The following TES variants were observed in gnomAD, a reference collection of about 807,000 sequenced individuals.
The protein encoded by TES is testin LIM domain protein, also known as testin.
TES carries 41 observed loss-of-function variants against 48.2 expected under a neutral mutation model. The ratio of observed to expected loss-of-function variants is 0.85; its 90% CI spans 0.66 to 1.10. The LOEUF (loss-of-function observed/expected upper bound fraction) is 1.10, where lower values mean the gene tolerates loss of function less well. Among genes scored for constraint, TES ranks in the 50% least tolerant of loss-of-function variants. TES has a pLI of 0.00. For synonymous variants in TES, 162 were observed against 174.9 expected, an observed-to-expected ratio of 0.93 and a Z score of 0.58; for missense variants, 463 against 515.1, an observed-to-expected ratio of 0.90 and a Z score of 0.98.
chr7:116,250,172 C>T lies in TES; in HGVS notation c.378C>T (p.Tyr126=). The change falls in exon 4 of 7, where the codon TAC becomes TAT. Residue 126 remains tyrosine (Y), a synonymous_variant. Transcript: ENST00000358204. The part of the protein sequence containing the change: ...PVQNQALARQ[Y]MQMLPKEKQP... ...TCCTTGTGGTTCAGGCCAGGCAGTA[C>T]ATGCAGATGCTACCCAAGGAAAAGC... The T allele has an allele frequency of 6.5e-7, 1 of 1,541,208 alleles. No homozygotes were observed.
At chr7:116,251,696 G>C (rs79488757) in intron 4 of TES, 64 bp from the exon 5 acceptor site, 1 of 960,824 alleles carries the variant, frequency 1.0e-6, no homozygotes, top group Non-Finnish European at 1.4e-6. Flanking sequence ...AAAAAAAAAA[G>C]AAAGAAAGAA....
At chr7:116,254,754 A>ATGTGTGTGTG (rs562076686) in intron 6 of TES, among the ~76,000 whole-genome samples, 3 of 119,246 alleles carry the variant, frequency 2.5e-5, no homozygotes, top group South Asian at 2.7e-4. Flanking sequence ...AAAAATATAT[A>ATGTGTGTGTG]TATATGTGTG....
At chr7:116,228,408 C>T (rs1210583709) in intron 1 of TES, among the ~76,000 whole-genome samples, 2 of 152,128 alleles carry the variant, frequency 1.3e-5, no homozygotes, top group African/African-American at 4.8e-5. Flanking sequence ...ATTATTCTGT[C>T]ATATCCTTTT....
intron 1 of TES, among the ~76,000 whole-genome samples, chr7:116,229,002 ATATAT>A (rs1370577015): frequency 2.3e-4 from 1 of 4,334 alleles, no homozygotes; most frequent in Non-Finnish European, 8.8e-4. Context: ...CTATAACTAT[ATATAT>A]ATATATATAT....
At chr7:116,254,833 A>C (rs1800073799) in intron 6 of TES, among the ~76,000 whole-genome samples, 1 of 151,182 alleles carries the variant, frequency 6.6e-6, no homozygotes, top group African/African-American at 2.4e-5. Flanking sequence ...TCTCAGTGGG[A>C]TATACCATTG....
At chr7:116,254,380 G>T (rs143376852) in intron 6 of TES, among the ~76,000 whole-genome samples, 1 of 151,996 alleles carries the variant, frequency 6.6e-6, no homozygotes, top group Non-Finnish European at 1.5e-5. Context: ...CAATGGCAGG[G>T]TATAACCACA....
intron 4 of TES, 31 bp downstream of exon 4, chr7:116,250,527 TTTG>T: frequency 7.1e-7 from 1 of 1,418,318 alleles, no homozygotes; most frequent in Non-Finnish European, 9.2e-7. Flanking sequence ...GTTAGCCTGA[TTTG>T]TATACTTTAC....
chr7:116,211,618 T>G (rs1799440288), intron 1 of TES: 1 of 152,268 alleles, frequency 6.6e-6, no homozygotes, highest in South Asian at 2.1e-4. Flanking sequence ...GATTTGCTCA[T>G]GTTTTACTTT....
At chr7:116,227,111 TATTTATTTATTTATTTA>T (rs1249936559) in intron 1 of TES, among the ~76,000 whole-genome samples, 62 of 149,606 alleles carry the variant, frequency 4.1e-4, no homozygotes, top group Non-Finnish European at 8.8e-4. Context: ...TTTATTTATT[TATTTATTTATTTATTTA>T]TTTATTGGAG....
chr7:116,212,358 A>C (rs1416539149), intron 1 of TES, among the ~76,000 whole-genome samples: 3 of 152,200 alleles, frequency 2.0e-5, no homozygotes, highest in Non-Finnish European at 2.9e-5. Context: ...AAATCCATAG[A>C]ATGTAGAACA....
intron 1 of TES, among the ~76,000 whole-genome samples, chr7:116,225,484 A>C (rs1799611594): frequency 6.6e-6 from 1 of 152,200 alleles, no homozygotes; most frequent in African/African-American, 2.4e-5. Flanking sequence ...ATATTTTATT[A>C]CAAAATATTT....
chr7:116,228,814 GTATC>G (rs1189886552), intron 1 of TES, among the ~76,000 whole-genome samples: 1 of 151,630 alleles, frequency 6.6e-6, no homozygotes, highest in Non-Finnish European at 1.5e-5. Flanking sequence ...AAATTAAAAG[GTATC>G]TTGGAGCCAA....
rs373276217 is a variant in TES at position 116,249,224 on chromosome 7, C to T, written c.318C>T (p.Ile106=). The T allele has an allele frequency of 1.5e-4, 248 of 1,613,958 alleles. No homozygotes were observed. The highest frequency in any genetic ancestry group is 2.0e-4 in the Non-Finnish European group (241 of 1,179,980). Residue 106 remains isoleucine (I), a synonymous_variant, in exon 3 of 7, where the codon ATC becomes ATT. Transcript: ENST00000358204. ...TTGCTGCCAAGAAGAATGTCTCCAT[C>T]AATACAGTTACCTATGAGTGGGCTC... ...NPVAAKKNVS[I]NTVTYEWAPP... is the part of the protein sequence containing the mutation.
At chr7:116,214,189 A>G (rs1799468649) in intron 1 of TES, among the ~76,000 whole-genome samples, 1 of 152,110 alleles carries the variant, frequency 6.6e-6, no homozygotes. Context: ...TGCATTTTAA[A>G]GATTACATGT....
At chr7:116,221,592 T>C (rs111747509) in intron 1 of TES, among the ~76,000 whole-genome samples, 1,852 of 152,250 alleles carry the variant, frequency 0.012, 36 homozygotes, top group African/African-American at 0.042. Context: ...TGCTGGGATT[T>C]AAGTCTTCAC....
intron 2 of TES, among the ~76,000 whole-genome samples, chr7:116,246,766 A>C (rs78132733): frequency 0.015 from 2,257 of 152,140 alleles, 17 homozygotes; most frequent in Non-Finnish European, 0.024. Flanking sequence ...CTCAACCTAA[A>C]TATCATCTTC....
chr7:116,220,029 A>G (rs1381566667), intron 1 of TES, among the ~76,000 whole-genome samples: 2 of 152,142 alleles, frequency 1.3e-5, no homozygotes, highest in Admixed American at 6.5e-5. Context: ...TCCGTGTTAA[A>G]CGAAGACATG....
intron 1 of TES, among the ~76,000 whole-genome samples, chr7:116,229,968 T>C (rs1799676454): frequency 6.6e-6 from 1 of 152,206 alleles, no homozygotes; most frequent in South Asian, 2.1e-4. Flanking sequence ...GTCAGAGATC[T>C]TCAGTGCTGG....
Position 116,251,673 on chromosome 7 carries a change from A to T in TES, c.703-87A>T, listed in dbSNP as rs1394432612. 5 of 1,218,670 alleles carry T rather than the reference A, an allele frequency of 4.1e-6. No homozygotes were observed. In the African/African-American group the frequency reaches 6.2e-5, roughly 15 times the overall value. The allele number at this position is 1,218,670 out of a possible 1,614,324, so 75.5% of individuals were successfully genotyped here. On this transcript the variant is annotated intron_variant, in intron 4 of 6. Transcript: ENST00000358204. ...ACTCCAGCCTGGGCGACAGAGTGAG[A>T]CTCAGTCTCAAAAAAAAAAAAAGAA...
Sources: allele counts gnomAD v4.1 joint callset (sites outside exome capture counted in the v4.1 genomes callset), GRCh38; gene constraint gnomAD v4.1.1; transcripts MANE v1.5; gene names NCBI Gene and HGNC (gene_info 2026-07-23, HGNC 2026-07-21).